The following CRISPLD2 variants were observed in gnomAD, a reference collection of about 807,000 sequenced individuals.
CRISPLD2 encodes cysteine rich secretory protein LCCL domain containing 2.
Under a neutral mutation model 71.1 loss-of-function variants are expected in CRISPLD2, and 47 were observed. That is an observed-to-expected ratio of 0.66 (90% CI 0.52 to 0.84). CRISPLD2 has a LOEUF of 0.84. CRISPLD2 is among the 40% of genes least tolerant of loss of function. The probability of loss-of-function intolerance (pLI) is 0.00; values close to 1 mark genes in which losing one functional copy is unlikely to be tolerated. For missense variants in CRISPLD2, 830 were observed against 651.1 expected (o/e 1.27, Z -2.99); for synonymous variants, 317 against 250.1 (o/e 1.27, Z -2.52).
chr16:84,877,111 C>T (rs1405205556), intron 11 of CRISPLD2, among the ~76,000 whole-genome samples: 2 of 152,180 alleles, frequency 1.3e-5, no homozygotes, highest in African/African-American at 4.8e-5. Context: ...GTAACACCTG[C>T]TGTGAGGAGC....
intron 1 of CRISPLD2, among the ~76,000 whole-genome samples, chr16:84,832,144 T>C (rs1396379554): frequency 6.6e-6 from 1 of 152,264 alleles, no homozygotes; most frequent in Non-Finnish European, 1.5e-5. Context: ...CCTTCTAAAA[T>C]CCCTTCAAAC....
In CRISPLD2 at chr16:84,884,916, T is replaced by C. The variant is rs1017660084; in HGVS notation, c.1306-4314T>C. Among the ~76,000 whole-genome samples, 5 of 152,200 alleles carry C rather than the reference T, an allele frequency of 3.3e-5. No individual in the cohort carries two copies. In the South Asian group the frequency reaches 8.3e-4, roughly 25 times the overall value. On this transcript the variant is annotated intron_variant, in intron 13 of 14. Coordinates refer to ENST00000262424, the MANE Select transcript of CRISPLD2 (RefSeq NM_031476.4). ...CCGCCAGGGCTTTTAGAGGTTGAGT[T>C]TGTGACACCGAAGGGATGGGTCCCT... is the stretch of plus-strand genomic sequence containing the variant.
chr16:84,900,117 C>T (rs111665065), intron 14 of CRISPLD2, among the ~76,000 whole-genome samples: 47 of 152,270 alleles, frequency 3.1e-4, no homozygotes, highest in African/African-American at 1.1e-3. Context: ...GAGCCACCTG[C>T]GGCCAAGCGT....
At chr16:84,833,505 C>T (rs1884283063) in intron 1 of CRISPLD2, among the ~76,000 whole-genome samples, 1 of 152,144 alleles carries the variant, frequency 6.6e-6, no homozygotes, top group African/African-American at 2.4e-5. Flanking sequence ...GGCGCATGCA[C>T]CCGGCCCTGC....
chr16:84,905,246 G>A (rs141250002), intron 14 of CRISPLD2, among the ~76,000 whole-genome samples: 344 of 152,320 alleles, frequency 2.3e-3, no homozygotes, highest in Non-Finnish European at 3.9e-3. Context: ...TGGCCTTGGT[G>A]ACAGACCTTG....
chr16:84,899,457 C>T (rs1362543163), intron 14 of CRISPLD2, among the ~76,000 whole-genome samples: 2 of 152,146 alleles, frequency 1.3e-5, no homozygotes, highest in Non-Finnish European at 2.9e-5. Context: ...ACCAACTTCC[C>T]CAGCATACCT....
At chr16:84,881,647 T>A (rs1248292514) in intron 13 of CRISPLD2, among the ~76,000 whole-genome samples, 1 of 152,212 alleles carries the variant, frequency 6.6e-6, no homozygotes, top group Non-Finnish European at 1.5e-5. Flanking sequence ...TTTATTTTTT[T>A]ATTTTCTGAA....
chr16:84,854,168 G>A (rs910648650), intron 5 of CRISPLD2, among the ~76,000 whole-genome samples: 15 of 152,200 alleles, frequency 9.9e-5, no homozygotes, highest in Admixed American at 2.0e-4. Context: ...GTGACCTGGG[G>A]CAAGTCACTT....
chr16:84,866,768 C>A (rs1316173001), intron 6 of CRISPLD2, 129 bp from the exon 7 acceptor site: 1 of 860,198 alleles, frequency 1.2e-6, no homozygotes, highest in African/African-American at 1.7e-5. Context: ...TTTCTCTTTG[C>A]CGCTGAAATG....
intron 1 of CRISPLD2, among the ~76,000 whole-genome samples, chr16:84,836,922 C>T (rs577328299): frequency 6.6e-6 from 1 of 152,328 alleles, no homozygotes; most frequent in African/African-American, 2.4e-5. Context: ...TCTTCCGGCC[C>T]TCGAGGGCCT....
chr16:84,824,067 G>A (rs889359440), intron 1 of CRISPLD2, among the ~76,000 whole-genome samples: 2 of 151,934 alleles, frequency 1.3e-5, no homozygotes, highest in Non-Finnish European at 2.9e-5. Context: ...AGAAGAGCCT[G>A]ATAACGCCTA....
intron 6 of CRISPLD2, among the ~76,000 whole-genome samples, chr16:84,860,537 C>T (rs544934105): frequency 4.0e-5 from 6 of 150,914 alleles, no homozygotes; most frequent in South Asian, 2.1e-4. Context: ...CTGCCTCAGG[C>T]GCCTCAGGCA....
At chr16:84,822,862 G>T (rs1027888473) in intron 1 of CRISPLD2, among the ~76,000 whole-genome samples, 1 of 152,162 alleles carries the variant, frequency 6.6e-6, no homozygotes, top group Non-Finnish European at 1.5e-5. Flanking sequence ...ATGTATTGTG[G>T]TAAAAATACA....
At chr16:84,877,400 C>T (rs765728082) in intron 11 of CRISPLD2, 38 bp from the exon 12 acceptor site, 2 of 1,600,528 alleles carry the variant, frequency 1.2e-6, no homozygotes, top group East Asian at 2.2e-5. Context: ...CCCAGGCGTG[C>T]TGGGACCTGA....
chr16:84,845,849 G>A lies in CRISPLD2; in HGVS notation c.304G>A (p.Gly102Arg), dbSNP rs867948726. 13 of 1,613,946 alleles carry A rather than the reference G, an allele frequency of 8.1e-6. No homozygotes were observed. Among genetic ancestry groups the A allele is most frequent in the African/African-American group, 4.0e-5 (3 of 74,934 alleles). ...GGCCAGTCAGTGCATCTGGGAGCACGGGCCCACCAGTCTGCTGGTGTCCAT... is the reference window on the plus strand; with the variant it reads ...GGCCAGTCAGTGCATCTGGGAGCACAGGCCCACCAGTCTGCTGGTGTCCAT... ...AWASQCIWEH[G>R]PTSLLVSIGQ... Residue 102 changes from glycine (G) to arginine (R), a missense_variant, in exon 3 of 15, where the codon GGG becomes AGG. Physicochemically the swap from Gly to Arg is moderately radical, Grantham distance 125 (BLOSUM62 -2). Coordinates refer to ENST00000262424, the MANE Select transcript of CRISPLD2 (RefSeq NM_031476.4).
At chr16:84,875,698 A>G (rs947711604) in intron 11 of CRISPLD2, among the ~76,000 whole-genome samples, 10 of 149,658 alleles carry the variant, frequency 6.7e-5, no homozygotes, top group Non-Finnish European at 1.5e-5. Flanking sequence ...CTGGGATTAC[A>G]GGCACCCGCC....
chr16:84,876,131 A>G (rs966918612), intron 11 of CRISPLD2, among the ~76,000 whole-genome samples: 5 of 152,240 alleles, frequency 3.3e-5, no homozygotes, highest in Non-Finnish European at 4.4e-5. Flanking sequence ...CTCTGCTACA[A>G]CAGCAGAGTT....
At chr16:84,895,857 G>A (rs1312868008) in intron 14 of CRISPLD2, among the ~76,000 whole-genome samples, 1 of 152,096 alleles carries the variant, frequency 6.6e-6, no homozygotes, top group Non-Finnish European at 1.5e-5. Context: ...ACTTTTTACA[G>A]TGTCCCTAAG....
At chr16:84,879,246 A>G (rs558029815) in intron 12 of CRISPLD2, among the ~76,000 whole-genome samples, 3 of 152,282 alleles carry the variant, frequency 2.0e-5, no homozygotes, top group Non-Finnish European at 2.9e-5. Flanking sequence ...AAAGAATTTC[A>G]GAAAATACAA....
Sources: gnomAD v4.1 joint callset for allele counts (sites outside exome capture counted in the v4.1 genomes callset) on GRCh38, gnomAD v4.1.1 for gene constraint, MANE v1.5 for transcripts, NCBI Gene and HGNC (gene_info 2026-07-23, HGNC 2026-07-21) for gene names.